The following ATP2B2 variants were observed in gnomAD, a reference collection of about 807,000 sequenced individuals.
ATP2B2 encodes plasma membrane calcium-transporting ATPase 2.
A neutral mutation model predicts 120.0 loss-of-function variants in ATP2B2; 15 were observed. The ratio of observed to expected loss-of-function variants is 0.12; its 90% confidence interval spans 0.08 to 0.19. The LOEUF (loss-of-function observed/expected upper bound fraction) is 0.19, where lower values mean the gene tolerates loss of function less well. ATP2B2 is among the 10% of genes least tolerant of loss of function. The pLI is 1.00. For synonymous variants in ATP2B2, 694 were observed against 700.3 expected (o/e 0.99, Z 0.14); for missense variants, 1,045 against 1,719.8 (o/e 0.61, Z 6.94).
intron 1 of ATP2B2, among the ~76,000 whole-genome samples, chr3:10,633,447 A>AT (rs1029496618): frequency 2.3e-4 from 35 of 152,058 alleles, no homozygotes; most frequent in Middle Eastern, 6.8e-3. Flanking sequence ...ATAATGTTTC[A>AT]TTTTTTTTAA....
At chr3:10,344,488 C>T (rs1012669093) in intron 18 of ATP2B2, among the ~76,000 whole-genome samples, 3 of 152,234 alleles carry the variant, frequency 2.0e-5, no homozygotes, top group Non-Finnish European at 4.4e-5. Flanking sequence ...AGTGTTCCAG[C>T]GCCACACAGC....
At position 10,606,230 on chromosome 3, in the gene ATP2B2, C is replaced by T. The variant is rs542891716; in HGVS notation, c.-415+13687G>A. Among the ~76,000 whole-genome samples, 25 of 152,262 alleles carry T rather than the reference C, an allele frequency of 1.6e-4. 1 individual carries two copies. The highest frequency in any genetic ancestry group is 2.4e-4 in the Non-Finnish European group (16 of 68,014). On this transcript the variant is annotated intron_variant, in intron 2 of 21. Coordinates refer to the ATP2B2 transcript ENST00000646379. ...CCGCTTGTGATCTGCATGAGACCCC[C>T]GGTGAGATAACGCAGCTCTCTGAGC...
At chr3:10,597,997 G>A (rs951526123) in intron 2 of ATP2B2, among the ~76,000 whole-genome samples, 1 of 152,122 alleles carries the variant, frequency 6.6e-6, no homozygotes, top group African/African-American at 2.4e-5. Context: ...ACTCCAAGTT[G>A]GGCTACTGGG....
chr3:10,603,108 C>T (rs2068967932), intron 2 of ATP2B2, among the ~76,000 whole-genome samples: 1 of 152,224 alleles, frequency 6.6e-6, no homozygotes, highest in Admixed American at 6.5e-5. Flanking sequence ...AGAACTCAGA[C>T]CCCGCATCCA....
chr3:10,559,510 T>C (rs2067854609), intron 2 of ATP2B2, among the ~76,000 whole-genome samples: 1 of 151,922 alleles, frequency 6.6e-6, no homozygotes, highest in Non-Finnish European at 1.5e-5. Flanking sequence ...GTACAATTAT[T>C]GTGTGTCCAC....
At chr3:10,679,383 T>C (rs570824811) in intron 1 of ATP2B2, among the ~76,000 whole-genome samples, 2 of 152,144 alleles carry the variant, frequency 1.3e-5, no homozygotes, top group African/African-American at 2.4e-5. Context: ...AACTATTTGA[T>C]CCTCTTTCCC....
Position 10,370,958 on chromosome 3 carries a change from G to C in ATP2B2, c.1659+851C>G, listed in dbSNP as rs73129297. 3.2e-3 allele frequency among the ~76,000 whole-genome samples: 495 copies of C among 152,316 alleles called. 2 individuals carry two copies. The highest frequency in any genetic ancestry group is 0.011 in the African/African-American group (472 of 41,570). ...TGGTGAGTCTAGACAGCTTAGCTGA[G>C]ACAGTAGGTTGAGAGTTTTTCTTAT... On this transcript the variant is annotated intron_variant, in intron 12 of 22. Coordinates refer to ENST00000360273, the MANE Select transcript of ATP2B2 (RefSeq NM_001001331.4).
At chr3:10,361,546 A>T (rs933877769) in intron 12 of ATP2B2, among the ~76,000 whole-genome samples, 30 of 152,150 alleles carry the variant, frequency 2.0e-4, no homozygotes, top group African/African-American at 7.2e-4. Context: ...TGTGAACACC[A>T]TTAGCTCCTG....
intron 1 of ATP2B2, among the ~76,000 whole-genome samples, chr3:10,631,122 T>G (rs2069853384): frequency 6.6e-6 from 1 of 152,244 alleles, no homozygotes; most frequent in Non-Finnish European, 1.5e-5. Flanking sequence ...TCTTTATCTG[T>G]AAATCTGTAA....
intron 1 of ATP2B2, among the ~76,000 whole-genome samples, chr3:10,621,997 G>T: frequency 6.6e-6 from 1 of 152,210 alleles, no homozygotes; most frequent in East Asian, 1.9e-4. Context: ...TGACTGTTTT[G>T]CTCCACACAT....
chr3:10,372,814 A>G (rs2061281218), intron 11 of ATP2B2, among the ~76,000 whole-genome samples: 1 of 152,156 alleles, frequency 6.6e-6, no homozygotes, highest in Non-Finnish European at 1.5e-5. Context: ...TCTCTGGCCC[A>G]ACTCCACACT....
At chr3:10,480,644 G>C (rs539777266) in intron 1 of ATP2B2, among the ~76,000 whole-genome samples, 1 of 152,294 alleles carries the variant, frequency 6.6e-6, no homozygotes, top group Admixed American at 6.5e-5. Context: ...CCCCAGCCTA[G>C]ACCCCTAGCT....
At chr3:10,555,868 G>A (rs554159944) in intron 2 of ATP2B2, among the ~76,000 whole-genome samples, 3 of 152,322 alleles carry the variant, frequency 2.0e-5, no homozygotes, top group South Asian at 2.1e-4. Context: ...CACCTTCTCT[G>A]TGGCTTTCTT....
intron 2 of ATP2B2, among the ~76,000 whole-genome samples, chr3:10,563,989 G>A (rs956198799): frequency 1.3e-5 from 2 of 152,168 alleles, no homozygotes; most frequent in African/African-American, 4.8e-5. Flanking sequence ...TGTAACTACA[G>A]CAAACTAGCT....
intron 2 of ATP2B2, among the ~76,000 whole-genome samples, chr3:10,432,202 C>T (rs73117749): frequency 0.019 from 2,874 of 152,332 alleles, 100 homozygotes; most frequent in African/African-American, 0.067. Flanking sequence ...TCAGTTTCCT[C>T]ATCTGTAGGA....
intron 1 of ATP2B2, among the ~76,000 whole-genome samples, chr3:10,653,751 C>T (rs1048734056): frequency 6.6e-6 from 1 of 152,138 alleles, no homozygotes; most frequent in South Asian, 2.1e-4. Flanking sequence ...AGGGGGAAAC[C>T]TAGGCTTAGT....
intron 7 of ATP2B2, 23 bp downstream of exon 7, chr3:10,386,457 A>G: frequency 1.2e-6 from 2 of 1,613,064 alleles, no homozygotes. Context: ...AAGCCCATCT[A>G]CCCTGAGGGT....
intron 1 of ATP2B2, among the ~76,000 whole-genome samples, chr3:10,678,221 T>A (rs552261971): frequency 6.6e-6 from 1 of 152,342 alleles, no homozygotes; most frequent in East Asian, 1.9e-4. Context: ...ATTGCTTTTA[T>A]AATAAGGAAA....
intron 2 of ATP2B2, among the ~76,000 whole-genome samples, chr3:10,417,282 C>G (rs1446945158): frequency 2.0e-5 from 3 of 150,826 alleles, no homozygotes; most frequent in Non-Finnish European, 1.5e-5. Context: ...GGGGGCCGAG[C>G]AGAGGTGCTC....
Sources: allele counts gnomAD v4.1 joint callset (sites outside exome capture counted in the v4.1 genomes callset), GRCh38; gene constraint gnomAD v4.1.1; transcripts MANE v1.5; gene names NCBI Gene and HGNC (gene_info 2026-07-23, HGNC 2026-07-21).